The following NUDT14 variants were observed in gnomAD, a reference collection of about 807,000 sequenced individuals.
The protein encoded by NUDT14 is uridine diphosphate glucose pyrophosphatase NUDT14.
Under a neutral mutation model 17.5 loss-of-function variants are expected in NUDT14, and 22 were observed. The observed-to-expected ratio is 1.26, with a 90% CI of 0.90 to 1.80. The LOEUF (loss-of-function observed/expected upper bound fraction) is 1.80. NUDT14 is among the 40% of genes most tolerant of loss of function. NUDT14 has a pLI of 0.00. For missense variants in NUDT14, 296 were observed against 295.6 expected (o/e 1.00, Z -0.01); for synonymous variants, 129 against 125.8 (o/e 1.03, Z -0.17).
At chr14:105,176,023 T>A (rs1230709721) in intron 4 of NUDT14, 1 of 1,239,516 alleles carries the variant, frequency 8.1e-7, no homozygotes. Flanking sequence ...CAACATCTAG[T>A]CCTGGGAAGG....
At chr14:105,175,159 C>A (rs1889184151) in intron 4 of NUDT14, among the ~76,000 whole-genome samples, 1 of 152,220 alleles carries the variant, frequency 6.6e-6, no homozygotes, top group Non-Finnish European at 1.5e-5. Flanking sequence ...GACCACTTGC[C>A]CTGAGAGCCT....
intron 4 of NUDT14, chr14:105,176,029 G>A (rs963535539): frequency 1.3e-4 from 155 of 1,233,304 alleles, no homozygotes; most frequent in Non-Finnish European, 1.5e-4. Flanking sequence ...CTAGTCCTGG[G>A]AAGGCAACCC....
At chr14:105,177,175 G>A in intron 2 of NUDT14, 148 bp from the exon 3 acceptor site, 1 of 725,808 alleles carries the variant, frequency 1.4e-6, no homozygotes, top group East Asian at 2.7e-5. Context: ...TAGGATGGCT[G>A]AGGCCCAGGC....
In NUDT14 at chr14:105,173,968, C is replaced by G. The variant is rs1889159639; in HGVS notation, c.429-707G>C. Among the ~76,000 whole-genome samples, 1 of 152,062 alleles carries G rather than the reference C, an allele frequency of 6.6e-6. No homozygotes were observed. The highest frequency in any genetic ancestry group is 1.5e-5 in the Non-Finnish European group (1 of 68,018). ...ACACAGGCTGGCTGGGAAGCAGGGA[C>G]AAACCCACCAGGCCTTCCCGCAAGG... On this transcript the variant is annotated intron_variant, in intron 4 of 4. Transcript: ENST00000392568. This position sits in a 1 kb window ranked among gnomAD's most constrained non-coding sequence, Gnocchi z 4.7.
chr14:105,176,621 G>A lies in NUDT14; in HGVS notation c.341C>T (p.Ser114Leu), dbSNP rs746282769. Residue 114 changes from serine (S) to leucine (L), a missense_variant, in exon 4 of 5, where the codon TCG becomes TTG. Ser to Leu is a moderately radical substitution (Grantham distance 145). Transcript: ENST00000392568. ...CTCCTTGCAAGCCACTTCCTCCAGC[G>A]AGAGCCCAGGCTGGTCCACGAGGCC... ...CAGLVDQPGL[S>L]LEEVACKEAW... 41 of 1,612,716 alleles carry A rather than the reference G, an allele frequency of 2.5e-5. No individual in the cohort carries two copies. Among genetic ancestry groups the A allele is most frequent in the Middle Eastern group, 1.6e-4 (1 of 6,062 alleles).
At chr14:105,176,141 G>A (rs1379425883) in intron 4 of NUDT14, among the ~76,000 whole-genome samples, 3 of 152,174 alleles carry the variant, frequency 2.0e-5, no homozygotes, top group Non-Finnish European at 4.4e-5. Flanking sequence ...AGGAGAGCTG[G>A]AGCCACCCCT....
chr14:105,181,110 C>A lies in NUDT14; in HGVS notation c.81+19G>T. 1.0e-6 allele frequency: 1 copy of A among 957,514 alleles called. No individual in the cohort carries two copies. Among genetic ancestry groups the A allele is most frequent in the Non-Finnish European group, 1.3e-6 (1 of 789,036 alleles). 59.3% of individuals were successfully genotyped at this position (957,514 alleles called of 1,614,324 possible). A position where few individuals can be genotyped will look rare whatever the true frequency, so the allele number is the denominator to read the frequency against. On this transcript the variant is annotated intron_variant, in intron 1 of 4. Transcript: ENST00000392568. The surrounding 1 kb of genome is among the most constrained non-coding windows in gnomAD (Gnocchi z 5.0). ...GGGCCGCCGGCGGGGGCGCGGGGGA[C>A]GCGGGGGCGCGGGCTCACCTGGCGG... is the stretch of plus-strand genomic sequence containing the variant.
intron 3 of NUDT14, 85 bp from the exon 4 acceptor site, chr14:105,176,856 C>T (rs1242804425): frequency 2.6e-6 from 4 of 1,549,558 alleles, no homozygotes; most frequent in South Asian, 1.1e-5. Flanking sequence ...CCTCCCAGGG[C>T]CTCAGCTTCC....
intron 4 of NUDT14, chr14:105,176,293 G>A: frequency 1.7e-6 from 1 of 587,836 alleles, no homozygotes; most frequent in South Asian, 2.0e-5. Flanking sequence ...CACCCGGCCT[G>A]CCTCACACAG....
At position 105,181,246 on chromosome 14, in the gene NUDT14, G is replaced by C. The variant is rs1421970551; in HGVS notation, c.-37C>G. The C allele has an allele frequency of 3.5e-6, 3 of 846,826 alleles. No individual in the cohort carries two copies. Among genetic ancestry groups the C allele is most frequent in the Non-Finnish European group, 4.4e-6 (3 of 675,680 alleles). The allele number at this position is 846,826 out of a possible 1,614,324, so 52.5% of individuals were successfully genotyped here. A position where few individuals can be genotyped will look rare whatever the true frequency, so the allele number is the denominator to read the frequency against. On this transcript the variant is annotated 5_prime_UTR_variant, in exon 1 of 5. Coordinates refer to ENST00000392568, the MANE Select transcript of NUDT14 (RefSeq NM_177533.5). The surrounding 1 kb of genome is among the most constrained non-coding windows in gnomAD (Gnocchi z 5.0). ...GACAGGCGGGGGCCGCGAGCTCTGC[G>C]GGGGCCGACACGGGGCGGCGCCCTG...
chr14:105,176,936 T>A lies in NUDT14; in HGVS notation c.190+27A>T, dbSNP rs772111722. ...AGGGACCTGAAGGTGACCCTGCAGA[T>A]CCCCTTCCCACCCCAGCTGGCCTCA... On this transcript the variant is annotated intron_variant, in intron 3 of 4. Transcript: ENST00000392568. 9.3e-6 allele frequency: 15 copies of A among 1,607,762 alleles called. No homozygotes were observed. In the South Asian group the frequency reaches 1.4e-4, roughly 15 times the overall value.
At chr14:105,178,578 C>T (rs984373070) in intron 1 of NUDT14, among the ~76,000 whole-genome samples, 1 of 152,192 alleles carries the variant, frequency 6.6e-6, no homozygotes, top group African/African-American at 2.4e-5. Flanking sequence ...AGATGCACTC[C>T]CATCCTGGGG....
intron 4 of NUDT14, among the ~76,000 whole-genome samples, chr14:105,175,010 A>C (rs1264027835): frequency 6.6e-6 from 1 of 152,192 alleles, no homozygotes; most frequent in Non-Finnish European, 1.5e-5. Context: ...TGCATCCCTG[A>C]AGCCACGGCC....
chr14:105,176,063 G>T, intron 4 of NUDT14: 3 of 1,147,866 alleles, frequency 2.6e-6, no homozygotes, highest in Non-Finnish European at 3.3e-6. Flanking sequence ...AGCCCTCGCG[G>T]GGCAAGAGTT....
chr14:105,177,592 G>C, intron 2 of NUDT14, 100 bp downstream of exon 2: 1 of 1,122,930 alleles, frequency 8.9e-7, no homozygotes, highest in South Asian at 1.3e-5. Flanking sequence ...GCAGGGAACA[G>C]CAACGTCAGG....
chr14:105,180,246 G>A (rs1222846115), intron 1 of NUDT14, among the ~76,000 whole-genome samples: 2 of 152,184 alleles, frequency 1.3e-5, no homozygotes, highest in Admixed American at 6.5e-5. Flanking sequence ...CAGGAGGATC[G>A]GTTGAGGCCA....
At chr14:105,174,181 G>T (rs956875740) in intron 4 of NUDT14, among the ~76,000 whole-genome samples, 2 of 152,188 alleles carry the variant, frequency 1.3e-5, no homozygotes, top group Non-Finnish European at 2.9e-5. Context: ...GTGGCCAGAA[G>T]GGGGCTGCTG....
chr14:105,181,270 T>A lies in NUDT14; in HGVS notation c.-61A>T. 3 of 645,598 alleles carry A rather than the reference T, an allele frequency of 4.6e-6. No individual in the cohort carries two copies. Among genetic ancestry groups the A allele is most frequent in the Non-Finnish European group, 6.0e-6 (3 of 500,510 alleles). The allele number at this position is 645,598 out of a possible 1,614,324, so 40.0% of individuals were successfully genotyped here. On this transcript the variant is annotated 5_prime_UTR_variant, in exon 1 of 5. Coordinates refer to ENST00000392568, the MANE Select transcript of NUDT14 (RefSeq NM_177533.5). This position sits in a 1 kb window ranked among gnomAD's most constrained non-coding sequence, Gnocchi z 5.0. ...CGGGGGCCGACACGGGGCGGCGCCC[T>A]GTCCCGACAGGAGCCTTCGGGCGGG... is the stretch of plus-strand genomic sequence containing the variant.
At chr14:105,177,796 G>C (rs971227075) in intron 1 of NUDT14, 61 bp from the exon 2 acceptor site, 3 of 1,547,832 alleles carry the variant, frequency 1.9e-6, no homozygotes, top group Non-Finnish European at 2.7e-6. Context: ...TCGGGGAACC[G>C]AGGAGGCCAC....
Sources: gnomAD v4.1 joint callset for allele counts (sites outside exome capture counted in the v4.1 genomes callset) on GRCh38, gnomAD v4.1.1 for gene constraint, Gnocchi (gnomAD v3.1) non-coding constraint, MANE v1.5 for transcripts, NCBI Gene and HGNC (gene_info 2026-07-23, HGNC 2026-07-21) for gene names.